SMG1: variants seen among roughly 807,000 people sequenced by gnomAD.
SMG1 encodes SMG1 nonsense mediated mRNA decay associated PI3K related kinase.
SMG1 carries 22 observed loss-of-function variants against 419.9 expected under a neutral mutation model. That is an observed-to-expected ratio of 0.05 (90% CI 0.04 to 0.07). The LOEUF (loss-of-function observed/expected upper bound fraction) is 0.07. SMG1 is among the 10% of genes least tolerant of loss of function. The pLI is 1.00. For synonymous variants in SMG1, 1,538 were observed against 1,553.5 expected (o/e 0.99, Z 0.23); for missense variants, 3,185 against 4,342.0 (o/e 0.73, Z 7.49).
At chr16:18,914,258 T>C (rs892674961) in intron 1 of SMG1, among the ~76,000 whole-genome samples, 5 of 152,072 alleles carry the variant, frequency 3.3e-5, no homozygotes, top group Admixed American at 6.6e-5. Context: ...CATAAAGTCC[T>C]ACACATATTA....
intron 1 of SMG1, among the ~76,000 whole-genome samples, chr16:18,904,742 C>T (rs1186797060): frequency 6.6e-6 from 1 of 151,650 alleles, no homozygotes; most frequent in African/African-American, 2.4e-5. Flanking sequence ...CAAGACCAGC[C>T]TCGCCAATGT....
At chr16:18,816,701 A>G (rs1186009846) in intron 57 of SMG1, among the ~76,000 whole-genome samples, 172 bp from the exon 58 acceptor site, 1 of 152,252 alleles carries the variant, frequency 6.6e-6, no homozygotes, top group East Asian at 1.9e-4. Context: ...TCAATAATCT[A>G]TGAAATATAG....
chr16:18,833,536 G>C (rs1184135897), intron 50 of SMG1, among the ~76,000 whole-genome samples: 1 of 150,024 alleles, frequency 6.7e-6, no homozygotes, highest in Non-Finnish European at 1.5e-5. Flanking sequence ...TCTCTTTTTG[G>C]TTTGGTTATA....
intron 9 of SMG1, among the ~76,000 whole-genome samples, chr16:18,883,639 C>T (rs1456855427): frequency 6.6e-6 from 1 of 152,186 alleles, no homozygotes; most frequent in Non-Finnish European, 1.5e-5. Flanking sequence ...AAAATATTGA[C>T]TGGGCACGGG....
Position 18,832,981 on chromosome 16 carries a change from T to C in SMG1, c.8751A>G (p.Gly2917=). Residue 2917 remains glycine, a synonymous_variant, in exon 51 of 63, where the codon GGA becomes GGG. Coordinates refer to ENST00000446231, the MANE Select transcript of SMG1 (RefSeq NM_015092.5). ...AATGAGCATGTGTTTCTTCTTCCAGTCCCATAGCTGCGTTTCTTAAGTAGG... is the reference window on the plus strand; with the variant it reads ...AATGAGCATGTGTTTCTTCTTCCAGCCCCATAGCTGCGTTTCTTAAGTAGG... ...LQAYLRNAAM[G]LEEETHAHYI... is the part of the protein sequence containing the mutation. 1.2e-6 allele frequency: 2 copies of C among 1,613,976 alleles called. No homozygotes were observed. The highest frequency in any genetic ancestry group is 1.7e-6 in the Non-Finnish European group (2 of 1,179,878).
At chr16:18,815,867 G>A (rs533339859) in intron 58 of SMG1, 1 of 545,074 alleles carries the variant, frequency 1.8e-6, no homozygotes, top group African/African-American at 1.9e-5. Flanking sequence ...TGTTTGTAAT[G>A]ATGAAGTAAT....
At chr16:18,884,562 A>C (rs2036540186) in intron 8 of SMG1, among the ~76,000 whole-genome samples, 1 of 152,142 alleles carries the variant, frequency 6.6e-6, no homozygotes, top group Admixed American at 6.6e-5. Context: ...GGCCACTATC[A>C]CCTGAATATC....
intron 1 of SMG1, among the ~76,000 whole-genome samples, chr16:18,924,611 C>T (rs1294867559): frequency 6.6e-6 from 1 of 152,122 alleles, no homozygotes; most frequent in African/African-American, 2.4e-5. Context: ...TTAAAGCACT[C>T]ACAAACTCTT....
Position 18,854,660 on chromosome 16 carries a change from T to C in SMG1, c.4479A>G (p.Thr1493=). ...LDIEKTKLLY[T]AGQSTHAMEM... ...ACCATAATTAATTTTACTAACCTGC[T>C]GTATAAAGCAATTTGGTTTTTTCAA... Residue 1493 remains threonine, a synonymous_variant, in exon 30 of 63, where the codon ACA becomes ACG. Coordinates refer to ENST00000446231, the MANE Select transcript of SMG1 (RefSeq NM_015092.5). The C allele has an allele frequency of 6.2e-7, 1 of 1,612,562 alleles. No individual in the cohort carries two copies. Among genetic ancestry groups the C allele is most frequent in the African/African-American group, 1.3e-5 (1 of 74,910 alleles).
At chr16:18,894,134 G>A (rs1184550921) in intron 3 of SMG1, among the ~76,000 whole-genome samples, 1 of 152,026 alleles carries the variant, frequency 6.6e-6, no homozygotes, top group East Asian at 1.9e-4. Flanking sequence ...TTGGAGGGTA[G>A]GGGGTGGGAG....
At chr16:18,845,100 T>C (rs2034183290) in intron 39 of SMG1, among the ~76,000 whole-genome samples, 1 of 152,208 alleles carries the variant, frequency 6.6e-6, no homozygotes, top group South Asian at 2.1e-4. Flanking sequence ...TTATCTTTAA[T>C]GAGGTAAATA....
intron 29 of SMG1, among the ~76,000 whole-genome samples, chr16:18,855,597 T>TC (rs1440064206): frequency 1.3e-5 from 2 of 152,114 alleles, no homozygotes; most frequent in Admixed American, 1.3e-4. Flanking sequence ...TTTTCCATTT[T>TC]CCCCTTCTCA....
At chr16:18,856,830 G>A (rs1308099188) in intron 29 of SMG1, 2 of 148,196 alleles carry the variant, frequency 1.3e-5, no homozygotes, top group Non-Finnish European at 3.0e-5. Context: ...TAAAAATGAA[G>A]AGGCACTCCA....
chr16:18,846,557 G>C (rs1368578904), intron 38 of SMG1, among the ~76,000 whole-genome samples: 1 of 151,994 alleles, frequency 6.6e-6, no homozygotes, highest in East Asian at 1.9e-4. Context: ...TTAAAAAATG[G>C]GCAAAGGACT....
In SMG1 at chr16:18,806,640, T is replaced by A. The variant is rs3751745; in HGVS notation, c.*2929A>T. The A allele has an allele frequency of 7.9e-5, 12 of 152,002 alleles. No homozygotes were observed. Among genetic ancestry groups the A allele is most frequent in the African/African-American group, 2.9e-4 (12 of 41,380 alleles). 9.4% of individuals were successfully genotyped at this position (152,002 alleles called of 1,614,324 possible). On this transcript the variant is annotated 3_prime_UTR_variant, in exon 63 of 63. Coordinates refer to ENST00000446231, the MANE Select transcript of SMG1 (RefSeq NM_015092.5). ...TAGTAAATTAAAGACAGCAAAAAAC[T>A]TAAGATTGAACTTCAATTTCCAAGG...
chr16:18,873,762 G>C (rs2035953810), intron 13 of SMG1, among the ~76,000 whole-genome samples: 1 of 152,078 alleles, frequency 6.6e-6, no homozygotes, highest in South Asian at 2.1e-4. Context: ...AAGGTGCCCT[G>C]TTCAATAAGG....
chr16:18,912,626 T>A (rs953167142), intron 1 of SMG1, among the ~76,000 whole-genome samples: 4 of 152,142 alleles, frequency 2.6e-5, no homozygotes, highest in African/African-American at 9.6e-5. Flanking sequence ...AGGTATCTTT[T>A]ACAAAATTTT....
At chr16:18,873,423 T>C (rs1168583495) in intron 13 of SMG1, among the ~76,000 whole-genome samples, 3 of 152,164 alleles carry the variant, frequency 2.0e-5, no homozygotes, top group East Asian at 1.9e-4. Flanking sequence ...AGTTTCACCA[T>C]GTTGGCCAGG....
At chr16:18,854,230 G>A (rs568532940) in intron 30 of SMG1, among the ~76,000 whole-genome samples, 1 of 151,452 alleles carries the variant, frequency 6.6e-6, no homozygotes, top group South Asian at 2.1e-4. Context: ...GGAACTACAG[G>A]CATGTTCCAC....
Sources: gnomAD v4.1 joint callset for allele counts (sites outside exome capture counted in the v4.1 genomes callset) on GRCh38, gnomAD v4.1.1 for gene constraint, MANE v1.5 for transcripts, NCBI Gene and HGNC (gene_info 2026-07-23, HGNC 2026-07-21) for gene names.